SPAG16: variants seen among roughly 807,000 people sequenced by gnomAD.
SPAG16 encodes the protein sperm-associated antigen 16 protein.
A neutral mutation model predicts 80.4 loss-of-function variants in SPAG16; 86 were observed. That is an observed-to-expected ratio of 1.07 (90% CI 0.90 to 1.28). The LOEUF (loss-of-function observed/expected upper bound fraction) is 1.28. Ranked by LOEUF, SPAG16 falls within the 50% of genes most tolerant of loss-of-function variation. SPAG16 has a pLI of 0.00. For missense variants in SPAG16, 870 were observed against 765.3 expected (o/e 1.14, Z -1.61); for synonymous variants, 294 against 265.9 (o/e 1.11, Z -1.03).
intron 10 of SPAG16, among the ~76,000 whole-genome samples, chr2:213,676,746 G>A (rs1264621612): frequency 6.6e-6 from 1 of 150,652 alleles, no homozygotes; most frequent in African/African-American, 2.4e-5. Flanking sequence ...CTTGATCATG[G>A]TGGATAAGCT....
At chr2:214,071,221 A>G (rs1199036577) in intron 13 of SPAG16, among the ~76,000 whole-genome samples, 3 of 152,110 alleles carry the variant, frequency 2.0e-5, no homozygotes, top group African/African-American at 7.2e-5. Flanking sequence ...AGCTAGGAAG[A>G]TCTTCAATAG....
intron 13 of SPAG16, among the ~76,000 whole-genome samples, chr2:214,068,925 C>T (rs115470200): frequency 0.015 from 2,226 of 152,074 alleles, 56 homozygotes; most frequent in African/African-American, 0.051. Context: ...ACTTTATTCC[C>T]TAAGAAGTAA....
At chr2:214,001,697 C>T (rs191672170) in intron 12 of SPAG16, among the ~76,000 whole-genome samples, 90 of 152,170 alleles carry the variant, frequency 5.9e-4, no homozygotes, top group South Asian at 1.9e-3. Context: ...CTTGATGGTA[C>T]GGATGACAGG....
chr2:213,763,648 G>A (rs1451998011), intron 10 of SPAG16, among the ~76,000 whole-genome samples: 1 of 142,896 alleles, frequency 7.0e-6, no homozygotes, highest in Non-Finnish European at 1.6e-5. Context: ...AATTTTAAAG[G>A]GTGGATCTCA....
chr2:213,520,873 A>C (rs1362120915), intron 10 of SPAG16, among the ~76,000 whole-genome samples: 1 of 152,206 alleles, frequency 6.6e-6, no homozygotes, highest in Non-Finnish European at 1.5e-5. Flanking sequence ...AAAGATCAAC[A>C]GTCAGTACTG....
At chr2:213,466,916 A>G (rs1023092797) in intron 9 of SPAG16, among the ~76,000 whole-genome samples, 8 of 152,150 alleles carry the variant, frequency 5.3e-5, no homozygotes, top group African/African-American at 1.9e-4. Flanking sequence ...AATGCAAACA[A>G]ATATTGAGAG....
intron 7 of SPAG16, among the ~76,000 whole-genome samples, chr2:213,352,717 T>A (rs1161613246): frequency 1.3e-5 from 2 of 152,230 alleles, no homozygotes; most frequent in Admixed American, 1.3e-4. Context: ...TTAAAACATG[T>A]TTAAAAAGTT....
intron 15 of SPAG16, among the ~76,000 whole-genome samples, chr2:214,276,021 T>A (rs1411524176): frequency 1.3e-5 from 2 of 152,222 alleles, no homozygotes; most frequent in African/African-American, 4.8e-5. Context: ...CTCTTCTTGT[T>A]GAATTGATCC....
intron 9 of SPAG16, among the ~76,000 whole-genome samples, chr2:213,382,281 C>T (rs1042851092): frequency 6.6e-6 from 1 of 152,134 alleles, no homozygotes; most frequent in African/African-American, 2.4e-5. Context: ...TGAGGACCTC[C>T]TGGTTTATGA....
At chr2:213,303,177 C>G (rs1245132563) in intron 3 of SPAG16, among the ~76,000 whole-genome samples, 1 of 151,958 alleles carries the variant, frequency 6.6e-6, no homozygotes, top group African/African-American at 2.4e-5. Context: ...TTTGGTATCT[C>G]CCATGACATT....
intron 10 of SPAG16, among the ~76,000 whole-genome samples, chr2:213,514,875 G>A (rs536198243): frequency 1.7e-4 from 26 of 152,028 alleles, no homozygotes; most frequent in African/African-American, 6.0e-4. Context: ...TATGATGGAT[G>A]TAATCATTTT....
chr2:214,044,135 T>C (rs1366388250), intron 13 of SPAG16, among the ~76,000 whole-genome samples: 1 of 152,190 alleles, frequency 6.6e-6, no homozygotes, highest in East Asian at 1.9e-4. Flanking sequence ...AACATTTTCT[T>C]GTTGTTTTCC....
intron 10 of SPAG16, among the ~76,000 whole-genome samples, chr2:213,735,446 A>G (rs557806533): frequency 8.5e-5 from 13 of 152,282 alleles, no homozygotes; most frequent in Admixed American, 5.2e-4. Context: ...TCCAAACAGA[A>G]TGTTACTGAG....
chr2:213,435,802 C>T (rs951593806), intron 9 of SPAG16, among the ~76,000 whole-genome samples: 11 of 152,116 alleles, frequency 7.2e-5, no homozygotes, highest in African/African-American at 2.2e-4. Context: ...CATTAAATAA[C>T]GTAGACATAA....
chr2:214,393,362 T>A (rs1338138107), intron 15 of SPAG16, among the ~76,000 whole-genome samples: 2 of 152,096 alleles, frequency 1.3e-5, no homozygotes, highest in Non-Finnish European at 2.9e-5. Context: ...GGTAGGGAAG[T>A]TTTGTTCAAT....
chr2:213,679,079 T>G (rs184141731), intron 10 of SPAG16, among the ~76,000 whole-genome samples: 1 of 152,292 alleles, frequency 6.6e-6, no homozygotes, highest in East Asian at 1.9e-4. Flanking sequence ...GAAGGACACC[T>G]TCTCTGCATG....
chr2:213,469,655 C>G (rs1482686202), intron 9 of SPAG16, among the ~76,000 whole-genome samples: 1 of 149,666 alleles, frequency 6.7e-6, no homozygotes, highest in Non-Finnish European at 1.5e-5. Flanking sequence ...GTAGTCCCAC[C>G]TGGGTTGGGG....
intron 10 of SPAG16, among the ~76,000 whole-genome samples, chr2:213,795,154 G>T (rs1216111352): frequency 6.6e-6 from 1 of 152,092 alleles, no homozygotes; most frequent in Non-Finnish European, 1.5e-5. Flanking sequence ...AGAAAGTTCT[G>T]TTCAATGTGG....
At chr2:214,342,392 C>T (rs1912222) in intron 15 of SPAG16, among the ~76,000 whole-genome samples, 73,808 of 151,980 alleles carry the variant, frequency 0.49, 21,483 homozygotes, top group South Asian at 0.66. Flanking sequence ...TGCACTAGTG[C>T]CTGAGTTCTG....
Sources: gnomAD v4.1 joint callset for allele counts (sites outside exome capture counted in the v4.1 genomes callset) on GRCh38, gnomAD v4.1.1 for gene constraint, MANE v1.5 for transcripts, NCBI Gene and HGNC (gene_info 2026-07-23, HGNC 2026-07-21) for gene names.